The following MUC5AC variants were observed in gnomAD, a reference collection of about 807,000 sequenced individuals.
MUC5AC encodes mucin 5AC, oligomeric mucus/gel-forming.
Under a neutral mutation model 169.7 loss-of-function variants are expected in MUC5AC, and 158 were observed. The observed-to-expected ratio is 0.93, with a 90% CI of 0.82 to 1.06. The LOEUF is 1.06. Among genes scored for constraint, MUC5AC ranks in the 50% least tolerant of loss-of-function variants. The pLI, the probability that MUC5AC is intolerant of heterozygous loss-of-function variation, is 0.00. For missense variants in MUC5AC, 4,359 were observed against 3,089.9 expected (o/e 1.41, Z -9.74); for synonymous variants, 1,975 against 1,237.0 (o/e 1.60, Z -12.52).
chr11:1,170,648 TTCACCCACTCAC>T (rs1860484194), intron 15 of MUC5AC, among the ~76,000 whole-genome samples: 1 of 27,836 alleles, frequency 3.6e-5, no homozygotes, highest in Non-Finnish European at 7.3e-5. Context: ...CATTCACCCA[TTCACCCACTCAC>T]TCACCCACTC....
chr11:1,168,212 A>G (rs1332281751), intron 12 of MUC5AC, among the ~76,000 whole-genome samples: 2 of 152,198 alleles, frequency 1.3e-5, no homozygotes, highest in Non-Finnish European at 2.9e-5. Flanking sequence ...AAGGGGCCCC[A>G]GGAAGGAGGG....
chr11:1,197,714 G>A, intron 41 of MUC5AC, 75 bp downstream of exon 41: 3 of 639,704 alleles, frequency 4.7e-6, no homozygotes, highest in East Asian at 5.5e-5. Flanking sequence ...GGACTTTGCT[G>A]CTGCCTTGGG....
rs775773008 is a variant in MUC5AC at position 1,200,666 on chromosome 11, C to G, written c.16929C>G (p.Ser5643Arg). ...PEPSQEAESG[S>R]WERGVPVSPM... ...CCAGCCAGGAGGCAGAGAGTGGGAG[C>G]TGGGAGAGAGGCGTCCCAGTGTCCC... Residue 5643 changes from serine to arginine, a missense_variant, in exon 49 of 49, where the codon AGC becomes AGG. Transcript: ENST00000621226. 1 of 762,296 alleles carries G rather than the reference C, an allele frequency of 1.3e-6. No homozygotes were observed. Among genetic ancestry groups the G allele is most frequent in the South Asian group, 1.3e-5 (1 of 74,354 alleles). 47.2% of individuals were successfully genotyped at this position (762,296 alleles called of 1,614,324 possible). A position where few individuals can be genotyped will look rare whatever the true frequency, so the allele number is the denominator to read the frequency against.
At position 1,167,472 on chromosome 11, in the gene MUC5AC, C is replaced by T. The variant is rs574338957; in HGVS notation, c.1387-405C>T. Among the ~76,000 whole-genome samples, 105 of 152,334 alleles carry T rather than the reference C, an allele frequency of 6.9e-4. 1 individual carries two copies. Among genetic ancestry groups the T allele is most frequent in the Non-Finnish European group, 1.0e-3 (71 of 68,028 alleles). ...GGTCATGGTTGACATCAGCGACCCT[C>T]GTGGTGGTGAAATTCCACGTTTAAG... On this transcript the variant is annotated intron_variant, in intron 11 of 48. Coordinates refer to ENST00000621226, the MANE Select transcript of MUC5AC (RefSeq NM_001304359.2).
Position 1,199,847 on chromosome 11 carries a change from C to A in MUC5AC, c.16586-8C>A. ...TGGGCTGGTCCTAAACCCTGTGTTC[C>A]TCTCCAGAGTCGACCTGTGCTGTGT... On this transcript the variant is annotated splice_polypyrimidine_tract_variant and splice_region_variant and intron_variant, in intron 47 of 48. Coordinates refer to ENST00000621226, the MANE Select transcript of MUC5AC (RefSeq NM_001304359.2). 1.3e-6 allele frequency: 1 copy of A among 760,826 alleles called. No homozygotes were observed. 47.1% of individuals were successfully genotyped at this position (760,826 alleles called of 1,614,324 possible).
In MUC5AC at chr11:1,191,035, C is replaced by T; in HGVS notation, c.12890C>T (p.Pro4297Leu). 2 of 757,578 alleles carry T rather than the reference C, an allele frequency of 2.6e-6. No individual in the cohort carries two copies. Among genetic ancestry groups the T allele is most frequent in the Non-Finnish European group, 4.8e-6 (2 of 415,062 alleles). 46.9% of individuals were successfully genotyped at this position (757,578 alleles called of 1,614,324 possible). Residue 4297 changes from proline to leucine, a missense_variant, in exon 31 of 49, where the codon CCC becomes CTC. Physicochemically the swap from Pro to Leu is moderately conservative, Grantham distance 98. Transcript: ENST00000621226. ...ATGACCTCTGGTCCTGGAACTACTC[C>T]CAGCCCTGTTCCCACCACCAGCACA... ...SSMTSGPGTTPSPVPTTSTTS... is the reference protein window; with the variant it reads ...SSMTSGPGTTLSPVPTTSTTS...
chr11:1,161,822 G>A, intron 3 of MUC5AC, 85 bp from the exon 4 acceptor site: 1 of 1,507,170 alleles, frequency 6.6e-7, no homozygotes, highest in South Asian at 1.3e-5. Context: ...ACCCTGGGGA[G>A]GGGCAGGAGG....
chr11:1,177,671 G>A (rs1372049680), intron 24 of MUC5AC, 38 bp downstream of exon 24: 4 of 398,338 alleles, frequency 1.0e-5, no homozygotes, highest in Non-Finnish European at 1.8e-5. Flanking sequence ...GGGCCGGCTG[G>A]AAACCTGGAG....
Position 1,188,009 on chromosome 11 carries a change from G to A in MUC5AC, c.9864G>A (p.Val3288=), listed in dbSNP as rs1860995958. 4 of 760,208 alleles carry A rather than the reference G, an allele frequency of 5.3e-6. No individual in the cohort carries two copies. Among genetic ancestry groups the A allele is most frequent in the Admixed American group, 3.4e-5 (2 of 58,764 alleles). The allele number at this position is 760,208 out of a possible 1,614,324, so 47.1% of individuals were successfully genotyped here. ...EVSIEHLGQV[V]QCSREEGLVC... is the part of the protein sequence containing the mutation. ...GCATTGAACACCTGGGCCAGGTGGT[G>A]CAGTGCAGCCGTGAAGAGGGCCTGG... Residue 3288 remains valine, a synonymous_variant, in exon 31 of 49, where the codon GTG becomes GTA. Coordinates refer to ENST00000621226, the MANE Select transcript of MUC5AC (RefSeq NM_001304359.2).
rs1049263999 is a variant in MUC5AC at position 1,179,390 on chromosome 11, G to A, written c.3484+142G>A. The A allele has an allele frequency of 7.0e-4, 329 of 472,496 alleles. 1 individual carries two copies. Among genetic ancestry groups the A allele is most frequent in the African/African-American group, 6.1e-3 (307 of 50,450 alleles). 29.3% of individuals were successfully genotyped at this position (472,496 alleles called of 1,614,324 possible). ...AGAAACACCTGGGCCCAGAGAGGAG[G>A]GCGTGGCTGACAGAGGGGTCCCTGG... On this transcript the variant is annotated intron_variant, in intron 26 of 48. Coordinates refer to ENST00000621226, the MANE Select transcript of MUC5AC (RefSeq NM_001304359.2).
chr11:1,184,414 C>G lies in MUC5AC; in HGVS notation c.6269C>G (p.Pro2090Arg), dbSNP rs1409958359. 1.8e-6 allele frequency: 1 copy of G among 541,644 alleles called. No homozygotes were observed. Among genetic ancestry groups the G allele is most frequent in the East Asian group, 3.0e-5 (1 of 33,632 alleles). 33.6% of individuals were successfully genotyped at this position (541,644 alleles called of 1,614,324 possible). ...ATGCCCTCGGCCTCCACAGAGCAAC[C>G]CACGGCAACCTCCAGGGGTGGGCCC... ...THMPSASTEQPTATSRGGPTA... is the reference protein window; with the variant it reads ...THMPSASTEQRTATSRGGPTA... Residue 2090 changes from proline (P) to arginine (R), a missense_variant, in exon 31 of 49, where the codon CCC (proline) becomes CGC (arginine). Physicochemically the swap from Pro to Arg is moderately radical, Grantham distance 103 (BLOSUM62 -2). Transcript: ENST00000621226.
chr11:1,193,646 C>T lies in MUC5AC; in HGVS notation c.14742C>T (p.His4914=), dbSNP rs1460562344. The T allele has an allele frequency of 1.0e-5, 8 of 764,882 alleles. No homozygotes were observed. The highest frequency in any genetic ancestry group is 2.7e-5 in the South Asian group (2 of 74,630). 47.4% of individuals were successfully genotyped at this position (764,882 alleles called of 1,614,324 possible). A position where few individuals can be genotyped will look rare whatever the true frequency, so the allele number is the denominator to read the frequency against. ...KVADQDGCCH[H]YQCQCVCSGW... is the part of the protein sequence containing the mutation. ...CTGACCAAGATGGCTGCTGCCATCA[C>T]TACCAGTGCCAGTGTGAGTGGAGCG... Residue 4914 remains histidine (H), a synonymous_variant, in exon 33 of 49, where the codon CAC becomes CAT. Transcript: ENST00000621226.
chr11:1,174,608 G>A lies in MUC5AC; in HGVS notation c.2078G>A (p.Arg693Lys). 7.6e-7 allele frequency: 1 copy of A among 1,321,122 alleles called. No individual in the cohort carries two copies. The highest frequency in any genetic ancestry group is 1.0e-6 in the Non-Finnish European group (1 of 953,638). 81.8% of individuals were successfully genotyped at this position (1,321,122 alleles called of 1,614,324 possible). ...AAKGVQLGGW[R>K]DGVCTKPMTT... Reference sequence around the variant, plus strand: ...AAGGGCGTGCAGCTCGGCGGCTGGAGGGACGGCGTCTGCAGTGAGTGCCTG... The same window carrying A: ...AAGGGCGTGCAGCTCGGCGGCTGGAAGGACGGCGTCTGCAGTGAGTGCCTG... The change falls in exon 17 of 49, where the codon AGG becomes AAG. Residue 693 changes from arginine (R) to lysine (K), a missense_variant. Arg to Lys is a conservative substitution (Grantham distance 26). Transcript: ENST00000621226.
chr11:1,187,218 A>T lies in MUC5AC; in HGVS notation c.9073A>T (p.Thr3025Ser). 1.4e-6 allele frequency: 1 copy of T among 699,284 alleles called. No homozygotes were observed. Among genetic ancestry groups the T allele is most frequent in the East Asian group, 2.7e-5 (1 of 36,594 alleles). The allele number at this position is 699,284 out of a possible 1,614,324, so 43.3% of individuals were successfully genotyped here. A position where few individuals can be genotyped will look rare whatever the true frequency, so the allele number is the denominator to read the frequency against. ...TACAACCAGCACAACCTTAGCTCCTACAACCAGCACAACCTCTGCCCCTAC... is the reference window on the plus strand; with the variant it reads ...TACAACCAGCACAACCTTAGCTCCTTCAACCAGCACAACCTCTGCCCCTAC... ...APTTSTTLAP[T>S]TSTTSAPTTS... The change falls in exon 31 of 49, where the codon ACA becomes TCA. Residue 3025 changes from threonine to serine, a missense_variant. Physicochemically the swap from Thr to Ser is moderately conservative, Grantham distance 58. Transcript: ENST00000621226.
In MUC5AC at chr11:1,181,429, A is replaced by G. The variant is rs1476937433; in HGVS notation, c.3979A>G (p.Thr1327Ala). 74 of 337,412 alleles carry G rather than the reference A, an allele frequency of 2.2e-4. No homozygotes were observed. The East Asian group carries it at 3.0e-3, about 14-fold the overall frequency. The allele number at this position is 337,412 out of a possible 1,614,324, so 20.9% of individuals were successfully genotyped here. The change falls in exon 30 of 49, where the codon ACC (threonine) becomes GCC (alanine). Residue 1327 changes from threonine (T) to alanine (A), a missense_variant. Physicochemically the swap from Thr to Ala is moderately conservative, Grantham distance 58. Transcript: ENST00000621226. ...CAGCCCCACCACCCCTGTCCCCCCAACCACCTTCTCCTTCTCCACACCCCC... is the reference window on the plus strand; with the variant it reads ...CAGCCCCACCACCCCTGTCCCCCCAGCCACCTTCTCCTTCTCCACACCCCC... ...PCSPTTPVPPTTFSFSTPPLV... is the reference protein window; with the variant it reads ...PCSPTTPVPPATFSFSTPPLV...
rs1157983570 is a variant in MUC5AC at position 1,188,119 on chromosome 11, G to T, written c.9974G>T (p.Gly3325Val). ...VRVLCCETPKGCPVTSTPVTA... is the reference protein window; with the variant it reads ...VRVLCCETPKVCPVTSTPVTA... Reference sequence around the variant, plus strand: ...GTGCTCTGCTGCGAGACCCCTAAAGGTTGCCCCGTGACCTCCACACCTGTG... The same window carrying T: ...GTGCTCTGCTGCGAGACCCCTAAAGTTTGCCCCGTGACCTCCACACCTGTG... Residue 3325 changes from glycine (G) to valine (V), a missense_variant, in exon 31 of 49, where the codon GGT (glycine) becomes GTT (valine). Gly to Val is a moderately radical substitution (Grantham distance 109, BLOSUM62 -3). Coordinates refer to ENST00000621226, the MANE Select transcript of MUC5AC (RefSeq NM_001304359.2). 6.8e-6 allele frequency: 5 copies of T among 731,948 alleles called. No homozygotes were observed. The highest frequency in any genetic ancestry group is 1.3e-5 in the Non-Finnish European group (5 of 398,952). 45.3% of individuals were successfully genotyped at this position (731,948 alleles called of 1,614,324 possible).
In MUC5AC at chr11:1,199,757, C is replaced by T. The variant is rs898452780; in HGVS notation, c.16578C>T (p.Tyr5526=). The T allele has an allele frequency of 4.2e-6, 3 of 715,304 alleles. No homozygotes were observed. The highest frequency in any genetic ancestry group is 2.5e-6 in the Non-Finnish European group (1 of 392,438). 44.3% of individuals were successfully genotyped at this position (715,304 alleles called of 1,614,324 possible). ...TCTGCCCGCCGCCCCCGCCCCCGTA[C>T]CAGAACCGTGAGTACCCAGCCTGCT... ...CRFCPPPPPP[Y]QNQSTCAVYH... is the part of the protein sequence containing the mutation. The change falls in exon 47 of 49, where the codon TAC becomes TAT. Residue 5526 remains tyrosine (Y), a synonymous_variant. Coordinates refer to ENST00000621226, the MANE Select transcript of MUC5AC (RefSeq NM_001304359.2).
rs1246015395 is a variant in MUC5AC, at chr11:1,174,111, C to T, written c.1966-385C>T. On this transcript the variant is annotated intron_variant, in intron 16 of 48. Coordinates refer to ENST00000621226, the MANE Select transcript of MUC5AC (RefSeq NM_001304359.2). ...CCATGTTTATGGCATTTTTCTTGCA[C>T]TTCCAGCCCTACACTAGGCCCAGGG... Among the ~76,000 whole-genome samples the T allele has an allele frequency of 2.6e-5, 4 of 152,360 alleles. No individual in the cohort carries two copies. The East Asian group carries it at 7.7e-4, about 29-fold the overall frequency.
At position 1,168,636 on chromosome 11, in the gene MUC5AC, C is replaced by A. The variant is rs781485644; in HGVS notation, c.1568-6C>A. The A allele has an allele frequency of 1.9e-6, 3 of 1,609,994 alleles. No individual in the cohort carries two copies. Among genetic ancestry groups the A allele is most frequent in the South Asian group, 1.1e-5 (1 of 91,050 alleles). On this transcript the variant is annotated splice_region_variant and splice_polypyrimidine_tract_variant and intron_variant, in intron 13 of 48. Coordinates refer to ENST00000621226, the MANE Select transcript of MUC5AC (RefSeq NM_001304359.2). ...CCAGCAAAACCCTTGTCCTTTGTGT[C>A]CCCAGCCAACGTCACCATCTTCAGA...
Sources: allele counts gnomAD v4.1 joint callset (sites outside exome capture counted in the v4.1 genomes callset), GRCh38; gene constraint gnomAD v4.1.1; transcripts MANE v1.5; gene names NCBI Gene and HGNC (gene_info 2026-07-23, HGNC 2026-07-21).